EYS: variants seen among roughly 807,000 people sequenced by gnomAD.
EYS encodes protein eyes shut homolog.
A neutral mutation model predicts 282.1 loss-of-function variants in EYS; 250 were observed. The ratio of observed to expected loss-of-function variants is 0.89; its 90% CI spans 0.80 to 0.98. The LOEUF (loss-of-function observed/expected upper bound fraction) is 0.98, where lower values mean the gene tolerates loss of function less well. Among genes scored for constraint, EYS ranks in the 50% least tolerant of loss-of-function variants. The probability of loss-of-function intolerance (pLI) is 0.00; values close to 1 mark genes in which losing one functional copy is unlikely to be tolerated. For missense variants in EYS, 4,016 were observed against 3,709.0 expected, an observed-to-expected ratio of 1.08 and a Z score of -2.15; for synonymous variants, 1,355 against 1,282.9, an observed-to-expected ratio of 1.06 and a Z score of -1.20.
intron 5 of EYS, among the ~76,000 whole-genome samples, chr6:65,423,141 C>A (rs1767529477): frequency 1.3e-5 from 2 of 151,536 alleles, no homozygotes; most frequent in Non-Finnish European, 2.9e-5. Flanking sequence ...TGAGGGAAAA[C>A]AAAACTAAAA....
chr6:64,399,892 G>A (rs777626780), intron 28 of EYS, among the ~76,000 whole-genome samples: 4 of 151,874 alleles, frequency 2.6e-5, no homozygotes, highest in Non-Finnish European at 2.9e-5. Flanking sequence ...CCTGATAATA[G>A]TTTCTGTTAA....
chr6:65,489,867 C>G (rs1765967652), intron 5 of EYS: 1 of 152,178 alleles, frequency 6.6e-6, no homozygotes, highest in Non-Finnish European at 1.5e-5. Flanking sequence ...TCTCAGCAAA[C>G]TATCGCAAGA....
intron 5 of EYS, among the ~76,000 whole-genome samples, chr6:65,463,894 T>C (rs1479179310): frequency 6.6e-6 from 1 of 152,072 alleles, no homozygotes; most frequent in Non-Finnish European, 1.5e-5. Flanking sequence ...ATTCAAAAAA[T>C]TGCAACCTCA....
chr6:64,082,734 T>G (rs2149869763), intron 31 of EYS, among the ~76,000 whole-genome samples: 1 of 152,262 alleles, frequency 6.6e-6, no homozygotes, highest in African/African-American at 2.4e-5. Context: ...TAGAATTATT[T>G]GTATTTTAAA....
In EYS at chr6:64,730,299, G is replaced by A. The variant is rs1215415966; in HGVS notation, c.3443+83079C>T. ...TTACTCTGAGACAGGAGGAAGAAAAGAGTAATGTTACAGATAAGTTCTAAA... is the reference window on the plus strand; with the variant it reads ...TTACTCTGAGACAGGAGGAAGAAAAAAGTAATGTTACAGATAAGTTCTAAA... On this transcript the variant is annotated intron_variant, in intron 22 of 42. Coordinates refer to ENST00000503581, the MANE Select transcript of EYS (RefSeq NM_001142800.2). 5.3e-5 allele frequency among the ~76,000 whole-genome samples: 8 copies of A among 152,260 alleles called. No homozygotes were observed. In the East Asian group the frequency reaches 1.5e-3, roughly 29 times the overall value.
intron 5 of EYS, among the ~76,000 whole-genome samples, chr6:65,425,385 T>C (rs1447498043): frequency 2.6e-5 from 4 of 152,148 alleles, no homozygotes; most frequent in African/African-American, 9.6e-5. Context: ...TTGTTTTCTT[T>C]ATGTTTTTAG....
intron 15 of EYS, among the ~76,000 whole-genome samples, chr6:64,931,315 C>A (rs116522520): frequency 1.3e-5 from 2 of 152,018 alleles, no homozygotes; most frequent in African/African-American, 4.8e-5. Context: ...ATTTAAGACT[C>A]TTCTTTACAA....
intron 36 of EYS, among the ~76,000 whole-genome samples, chr6:63,831,164 G>A (rs1280190774): frequency 1.3e-5 from 2 of 152,002 alleles, no homozygotes; most frequent in African/African-American, 2.4e-5. Flanking sequence ...TTAACTAATG[G>A]GCAAAATAAC....
At chr6:65,575,560 C>T (rs1468061409) in intron 2 of EYS, among the ~76,000 whole-genome samples, 1 of 151,338 alleles carries the variant, frequency 6.6e-6, no homozygotes, top group Non-Finnish European at 1.5e-5. Context: ...AATATAAACC[C>T]AAAGTTTGTA....
intron 15 of EYS, among the ~76,000 whole-genome samples, chr6:64,937,605 C>T (rs1343152777): frequency 6.6e-6 from 1 of 151,494 alleles, no homozygotes; most frequent in Non-Finnish European, 1.5e-5. Flanking sequence ...TTCACACCTA[C>T]TAGAAGGGTT....
intron 12 of EYS, among the ~76,000 whole-genome samples, chr6:65,280,458 G>A (rs1768185621): frequency 6.6e-6 from 1 of 152,116 alleles, no homozygotes. Flanking sequence ...TAATAGTGAA[G>A]TTACCTATTT....
At chr6:64,213,577 A>G (rs1022479491) in intron 31 of EYS, among the ~76,000 whole-genome samples, 4 of 152,192 alleles carry the variant, frequency 2.6e-5, no homozygotes, top group African/African-American at 9.6e-5. Flanking sequence ...TATATACAAA[A>G]TGAATAAACT....
chr6:64,133,911 G>A (rs529562018), intron 31 of EYS, among the ~76,000 whole-genome samples: 2 of 151,922 alleles, frequency 1.3e-5, no homozygotes, highest in Admixed American at 6.6e-5. Context: ...TGGGGTGAGA[G>A]ATGGTTCTTA....
intron 14 of EYS, among the ~76,000 whole-genome samples, chr6:64,989,544 TATATC>T (rs1241170857): frequency 1.4e-5 from 2 of 138,062 alleles, no homozygotes; most frequent in Non-Finnish European, 3.1e-5. Context: ...TATGTTATAA[TATATC>T]ATATATTTTA....
chr6:64,004,254 T>C (rs1373019218), intron 33 of EYS, among the ~76,000 whole-genome samples: 2 of 152,188 alleles, frequency 1.3e-5, no homozygotes, highest in Non-Finnish European at 2.9e-5. Context: ...TTTAAATGTC[T>C]ATGAATTTTT....
intron 30 of EYS, among the ~76,000 whole-genome samples, chr6:64,273,018 T>C (rs994846888): frequency 6.6e-6 from 1 of 152,122 alleles, no homozygotes; most frequent in African/African-American, 2.4e-5. Context: ...ATGAGGGTAA[T>C]CTATGAATTT....
intron 7 of EYS, among the ~76,000 whole-genome samples, chr6:65,395,670 A>G (rs1562149372): frequency 6.6e-6 from 1 of 152,128 alleles, no homozygotes. Flanking sequence ...ATTGATAAAT[A>G]CTGTTTGTAC....
chr6:63,864,469 T>G, intron 35 of EYS, 111 bp from the exon 36 acceptor site: 1 of 708,762 alleles, frequency 1.4e-6, no homozygotes, highest in Non-Finnish European at 2.1e-6. Context: ...TATAATTGCA[T>G]CTTTTCTAAT....
At chr6:65,265,322 C>T (rs181894593) in intron 12 of EYS, among the ~76,000 whole-genome samples, 3 of 152,054 alleles carry the variant, frequency 2.0e-5, no homozygotes, top group East Asian at 1.9e-4. Context: ...ATCTGTAGTT[C>T]TTTTACCTTA....
Sources: allele counts gnomAD v4.1 joint callset (sites outside exome capture counted in the v4.1 genomes callset), GRCh38; gene constraint gnomAD v4.1.1; transcripts MANE v1.5; gene names NCBI Gene and HGNC (gene_info 2026-07-23, HGNC 2026-07-21).